The following GRIK2 variants were observed in gnomAD, a reference collection of about 807,000 sequenced individuals.
The protein encoded by GRIK2 is glutamate ionotropic receptor kainate type subunit 2.
GRIK2 carries 32 observed loss-of-function variants against 100.3 expected under a neutral mutation model. The ratio of observed to expected loss-of-function variants is 0.32; its 90% confidence interval spans 0.24 to 0.43. The LOEUF (loss-of-function observed/expected upper bound fraction) is 0.43. Among genes scored for constraint, GRIK2 ranks in the 20% least tolerant of loss-of-function variants. The pLI, the probability that GRIK2 is intolerant of heterozygous loss-of-function variation, is 1.00. For synonymous variants in GRIK2, 417 were observed against 389.4 expected (o/e 1.07, Z -0.83); for missense variants, 843 against 1,114.9 (o/e 0.76, Z 3.47).
intron 2 of GRIK2, among the ~76,000 whole-genome samples, chr6:101,461,867 A>T (rs1244496771): frequency 6.6e-6 from 1 of 152,174 alleles, no homozygotes; most frequent in Non-Finnish European, 1.5e-5. Context: ...CCTAAAGCCC[A>T]ATTCTTGCCA....
intron 2 of GRIK2, among the ~76,000 whole-genome samples, chr6:101,618,690 A>G (rs1242990151): frequency 1.3e-5 from 2 of 151,584 alleles, no homozygotes; most frequent in Non-Finnish European, 1.5e-5. Context: ...TTTAGTTAGT[A>G]TTTGTTTTAG....
intron 7 of GRIK2, among the ~76,000 whole-genome samples, chr6:101,777,762 T>C (rs917445053): frequency 6.6e-6 from 1 of 152,164 alleles, no homozygotes; most frequent in African/African-American, 2.4e-5. Context: ...CCAGAATGGA[T>C]CTGCCACCTG....
chr6:102,029,333 G>A (rs187934255), intron 14 of GRIK2, among the ~76,000 whole-genome samples: 9 of 151,284 alleles, frequency 5.9e-5, no homozygotes, highest in Non-Finnish European at 8.9e-5. Flanking sequence ...TCAACATGCC[G>A]GTTGTTTTCC....
intron 10 of GRIK2, among the ~76,000 whole-genome samples, chr6:101,856,582 A>T (rs1784437175): frequency 6.6e-6 from 1 of 152,216 alleles, no homozygotes. Context: ...AGGAACATAA[A>T]CATTTAACTG....
At position 101,592,588 on chromosome 6, in the gene GRIK2, CATATATATATAT is replaced by C. The variant is rs3056161; in HGVS notation, c.116-29336_116-29325del. ...TCATGGGATAGAATTACTAATATCA[CATATATATATAT>C]ATATATATATATATATATATATATT... On this transcript the variant is annotated intron_variant, in intron 2 of 16. Transcript: ENST00000369134. Among the ~76,000 whole-genome samples the C allele has an allele frequency of 5.0e-3, 510 of 101,964 alleles. 18 individuals are homozygous for C. Among genetic ancestry groups the C allele is most frequent in the African/African-American group, 0.018 (461 of 25,846 alleles). 66.9% of individuals were successfully genotyped at this position (101,964 alleles called of 152,430 possible). A position where few individuals can be genotyped will look rare whatever the true frequency, so the allele number is the denominator to read the frequency against.
chr6:101,595,716 G>A (rs35211292), intron 2 of GRIK2, among the ~76,000 whole-genome samples: 6,764 of 131,158 alleles, frequency 0.052, 312 homozygotes, highest in African/African-American at 0.11. Flanking sequence ...GTGTGTGTGT[G>A]TGTATATATA....
intron 2 of GRIK2, among the ~76,000 whole-genome samples, chr6:101,509,250 T>C (rs1291024055): frequency 1.4e-4 from 21 of 151,984 alleles, no homozygotes; most frequent in Non-Finnish European, 1.5e-5. Flanking sequence ...CCTTACCAAC[T>C]TGACCACAGT....
rs868204006 is a variant in GRIK2 at position 101,792,567 on chromosome 6, C to T, written c.952-7081C>T. On this transcript the variant is annotated intron_variant, in intron 7 of 16. Coordinates refer to ENST00000369134, the MANE Select transcript of GRIK2 (RefSeq NM_021956.5). ...CTCTTCTGGCTTGTAGAGTTTCTGC[C>T]GAGAGATCCGCTGTTAGTCTGATGG... 2.7e-3 allele frequency among the ~76,000 whole-genome samples: 406 copies of T among 152,016 alleles called. 1 individual carries two copies. Among genetic ancestry groups the T allele is most frequent in the South Asian group, 0.015 (72 of 4,800 alleles).
intron 7 of GRIK2, among the ~76,000 whole-genome samples, chr6:101,709,891 G>T (rs1010180358): frequency 2.6e-5 from 4 of 151,782 alleles, no homozygotes; most frequent in African/African-American, 9.7e-5. Flanking sequence ...ATAGAAGCCT[G>T]AGAATTCTTG....
chr6:101,495,933 A>G (rs539186260), intron 2 of GRIK2, among the ~76,000 whole-genome samples: 2 of 151,940 alleles, frequency 1.3e-5, no homozygotes, highest in Admixed American at 6.6e-5. Context: ...GGTATTTTAC[A>G]TATCTGAATT....
chr6:101,676,900 G>T (rs1249359058), intron 5 of GRIK2, 96 bp downstream of exon 5: 5 of 678,724 alleles, frequency 7.4e-6, no homozygotes, highest in Non-Finnish European at 1.2e-5. Context: ...TATGCAATCA[G>T]TTATAATAAC....
intron 14 of GRIK2, among the ~76,000 whole-genome samples, chr6:102,005,597 T>G (rs1795173314): frequency 6.6e-6 from 1 of 152,118 alleles, no homozygotes. Flanking sequence ...AGCTTTATCT[T>G]TGGTATATTA....
Position 101,784,216 on chromosome 6 carries a change from C to T in GRIK2, c.952-15432C>T, listed in dbSNP as rs141123824. Among the ~76,000 whole-genome samples, 513 of 152,334 alleles carry T rather than the reference C, an allele frequency of 3.4e-3. 5 individuals are homozygous for T. Among genetic ancestry groups the T allele is most frequent in the Middle Eastern group, 0.017 (5 of 294 alleles). On this transcript the variant is annotated intron_variant, in intron 7 of 16. Coordinates refer to ENST00000369134, the MANE Select transcript of GRIK2 (RefSeq NM_021956.5). ...GGAAAAATTGGCTTCATGGGCCAGG[C>T]CCAGGGCCCTGCTACTCTATGCAGC...
chr6:101,905,849 A>C (rs1788182944), intron 12 of GRIK2, among the ~76,000 whole-genome samples: 1 of 151,508 alleles, frequency 6.6e-6, no homozygotes, highest in Non-Finnish European at 1.5e-5. Context: ...CTACTCTTTC[A>C]GAAATAAAAA....
At chr6:101,681,132 A>G (rs1771212206) in intron 5 of GRIK2, among the ~76,000 whole-genome samples, 1 of 151,876 alleles carries the variant, frequency 6.6e-6, no homozygotes, top group South Asian at 2.1e-4. Context: ...TTTATTTTTA[A>G]TTGTTGTGGG....
At chr6:101,873,487 G>T (rs1380397229) in intron 11 of GRIK2, among the ~76,000 whole-genome samples, 4 of 151,820 alleles carry the variant, frequency 2.6e-5, no homozygotes, top group Non-Finnish European at 5.9e-5. Flanking sequence ...TCTTAATCCA[G>T]TCTATCATTG....
chr6:101,888,266 A>G (rs1194808617), intron 11 of GRIK2, among the ~76,000 whole-genome samples: 1 of 152,156 alleles, frequency 6.6e-6, no homozygotes, highest in Non-Finnish European at 1.5e-5. Flanking sequence ...CCAATGATTA[A>G]TTAACTCTAT....
chr6:101,731,717 G>A (rs1312844532), intron 7 of GRIK2, among the ~76,000 whole-genome samples: 3 of 151,958 alleles, frequency 2.0e-5, no homozygotes, highest in Non-Finnish European at 4.4e-5. Flanking sequence ...ACAGACACAT[G>A]TATAGACTAG....
intron 11 of GRIK2, among the ~76,000 whole-genome samples, chr6:101,868,218 A>G (rs1465053089): frequency 6.6e-6 from 1 of 151,392 alleles, no homozygotes; most frequent in Non-Finnish European, 1.5e-5. Context: ...AAAAAAAAAA[A>G]GCTTCAATGT....
Sources: gnomAD v4.1 joint callset for allele counts (sites outside exome capture counted in the v4.1 genomes callset) on GRCh38, gnomAD v4.1.1 for gene constraint, MANE v1.5 for transcripts, NCBI Gene and HGNC (gene_info 2026-07-23, HGNC 2026-07-21) for gene names.